Variants in EPHA6 observed in about 807,000 individuals in gnomAD.
EPHA6 encodes ephrin type-A receptor 6.
In EPHA6, 50 loss-of-function variants were observed where a neutral mutation model predicts 112.0. The ratio of observed to expected loss-of-function variants is 0.45; its 90% CI spans 0.36 to 0.56. EPHA6 has a LOEUF of 0.56. Ranked by LOEUF, EPHA6 falls within the 20% of genes least tolerant of loss-of-function variation. The pLI is 0.00. For synonymous variants in EPHA6, 529 were observed against 490.7 expected, an observed-to-expected ratio of 1.08 and a Z score of -1.03; for missense variants, 1,280 against 1,417.4, an observed-to-expected ratio of 0.90 and a Z score of 1.56.
chr3:97,310,981 CT>C (rs1454325005), intron 5 of EPHA6, among the ~76,000 whole-genome samples: 3 of 151,502 alleles, frequency 2.0e-5, no homozygotes, highest in African/African-American at 7.3e-5. Context: ...CCTAGCTATC[CT>C]TTCCCACCTG....
chr3:97,034,239 A>G (rs886095962), intron 3 of EPHA6, among the ~76,000 whole-genome samples: 2 of 151,912 alleles, frequency 1.3e-5, no homozygotes, highest in South Asian at 2.1e-4. Context: ...TTATAGTTTC[A>G]TGTTTCTATG....
chr3:97,070,183 T>G lies in EPHA6; in HGVS notation c.1114+82190T>G, dbSNP rs1202481490. On this transcript the variant is annotated intron_variant, in intron 3 of 17. Coordinates refer to ENST00000389672, the MANE Select transcript of EPHA6 (RefSeq NM_001080448.3). Reference sequence around the variant, plus strand: ...CAGAGCTTTTGTTATCAACCAATATTATCTTTGTCATCTATTTGTGTTTTA... The same window carrying G: ...CAGAGCTTTTGTTATCAACCAATATGATCTTTGTCATCTATTTGTGTTTTA... Among the ~76,000 whole-genome samples the G allele has an allele frequency of 3.3e-5, 5 of 152,322 alleles. No individual in the cohort carries two copies. In the South Asian group the frequency reaches 6.2e-4, roughly 19 times the overall value.
At chr3:97,173,814 G>A (rs1250361514) in intron 3 of EPHA6, among the ~76,000 whole-genome samples, 2 of 151,824 alleles carry the variant, frequency 1.3e-5, no homozygotes, top group African/African-American at 4.8e-5. Flanking sequence ...ACACAGGGAT[G>A]CAGTGTAAAA....
At chr3:96,815,105 G>T in intron 1 of EPHA6, 97 bp downstream of exon 1, 8 of 1,222,256 alleles carry the variant, frequency 6.5e-6, no homozygotes, top group Non-Finnish European at 8.8e-6. Context: ...TTTGTACAGG[G>T]GTCAGAGTCT....
intron 3 of EPHA6, among the ~76,000 whole-genome samples, chr3:97,206,756 T>C (rs962762778): frequency 3.9e-5 from 6 of 152,122 alleles, no homozygotes; most frequent in African/African-American, 1.4e-4. Flanking sequence ...ATTCAACCTA[T>C]ACCCCCCTAC....
At chr3:97,018,337 GA>G (rs1447952545) in intron 3 of EPHA6, among the ~76,000 whole-genome samples, 1 of 152,056 alleles carries the variant, frequency 6.6e-6, no homozygotes, top group Non-Finnish European at 1.5e-5. Flanking sequence ...ACAAGACAAA[GA>G]GATAAAAGGA....
chr3:97,216,418 C>A (rs1283034139), intron 3 of EPHA6, among the ~76,000 whole-genome samples: 1 of 152,200 alleles, frequency 6.6e-6, no homozygotes, highest in African/African-American at 2.4e-5. Context: ...TTGAGAATCA[C>A]ATTTCAACAT....
intron 3 of EPHA6, among the ~76,000 whole-genome samples, chr3:97,204,123 G>A (rs1186632481): frequency 2.6e-5 from 4 of 152,076 alleles, no homozygotes; most frequent in Admixed American, 2.6e-4. Context: ...TTAGAAAAGA[G>A]TAAATTTTAT....
At chr3:96,939,582 G>C (rs1291129651) in intron 2 of EPHA6, among the ~76,000 whole-genome samples, 1 of 152,026 alleles carries the variant, frequency 6.6e-6, no homozygotes, top group Non-Finnish European at 1.5e-5. Flanking sequence ...CTTTTTGAAG[G>C]GTTTTTGTGT....
Position 97,078,910 on chromosome 3 carries a change from C to A in EPHA6, c.1114+90917C>A, listed in dbSNP as rs112154358. The stretch of plus-strand genomic sequence containing the variant: ...CAACAAGGAGTTTAGAATGTTGCAT[C>A]AACTTAGTTGATATAGCAGCAGCCA... On this transcript the variant is annotated intron_variant, in intron 3 of 17. Coordinates refer to ENST00000389672, the MANE Select transcript of EPHA6 (RefSeq NM_001080448.3). Among the ~76,000 whole-genome samples, 402 of 152,228 alleles carry A rather than the reference C, an allele frequency of 2.6e-3. 2 individuals carry two copies. Among genetic ancestry groups the A allele is most frequent in the African/African-American group, 9.0e-3 (372 of 41,560 alleles).
chr3:97,107,795 C>T (rs2047612122), intron 3 of EPHA6, among the ~76,000 whole-genome samples: 1 of 152,064 alleles, frequency 6.6e-6, no homozygotes, highest in South Asian at 2.1e-4. Flanking sequence ...CATTATTTAT[C>T]ATTTTTGTAA....
intron 3 of EPHA6, among the ~76,000 whole-genome samples, chr3:97,174,659 C>G (rs1217818233): frequency 1.3e-5 from 2 of 151,848 alleles, no homozygotes; most frequent in Non-Finnish European, 2.9e-5. Context: ...TGGTATTGAG[C>G]ACCAGTGTCT....
intron 1 of EPHA6, among the ~76,000 whole-genome samples, chr3:96,829,718 C>T (rs1201838060): frequency 6.6e-6 from 1 of 152,042 alleles, no homozygotes. Flanking sequence ...TGCTGCCTAT[C>T]ACCTTGTTCT....
chr3:97,740,351 A>G (rs923158342), intron 16 of EPHA6, among the ~76,000 whole-genome samples: 3 of 152,254 alleles, frequency 2.0e-5, no homozygotes, highest in Admixed American at 1.3e-4. Context: ...TGTCACTGAC[A>G]AAGAACTTGA....
chr3:97,135,147 A>G (rs2075735008), intron 3 of EPHA6, among the ~76,000 whole-genome samples: 1 of 152,222 alleles, frequency 6.6e-6, no homozygotes, highest in Non-Finnish European at 1.5e-5. Context: ...ACTTGAAAAT[A>G]CACGTATTTC....
At chr3:97,009,033 C>T (rs1023049205) in intron 3 of EPHA6, among the ~76,000 whole-genome samples, 6 of 152,090 alleles carry the variant, frequency 3.9e-5, no homozygotes. Flanking sequence ...CCTTGAAGGT[C>T]ACCAACCTGA....
At chr3:97,394,099 T>C (rs2086568891) in intron 5 of EPHA6, among the ~76,000 whole-genome samples, 1 of 151,704 alleles carries the variant, frequency 6.6e-6, no homozygotes, top group African/African-American at 2.4e-5. Context: ...ACTGGAATTG[T>C]TGGAAATATC....
intron 13 of EPHA6, 59 bp downstream of exon 13, chr3:97,610,913 C>A: frequency 3.0e-6 from 4 of 1,319,672 alleles, no homozygotes; most frequent in Non-Finnish European, 4.3e-6. Flanking sequence ...ATATTTAAAT[C>A]ATTTATCATA....
intron 11 of EPHA6, among the ~76,000 whole-genome samples, chr3:97,588,850 T>C (rs993312644): frequency 3.9e-5 from 6 of 152,206 alleles, no homozygotes; most frequent in Non-Finnish European, 8.8e-5. Flanking sequence ...GCTGATTTGT[T>C]AAGCACATGT....
Sources: gnomAD v4.1 joint callset for allele counts (sites outside exome capture counted in the v4.1 genomes callset) on GRCh38, gnomAD v4.1.1 for gene constraint, MANE v1.5 for transcripts, NCBI Gene and HGNC (gene_info 2026-07-23, HGNC 2026-07-21) for gene names.